Variants in PHGDH observed in about 807,000 individuals in gnomAD.
PHGDH encodes the protein D-3-phosphoglycerate dehydrogenase.
A neutral mutation model predicts 52.6 loss-of-function variants in PHGDH; 50 were observed. The observed-to-expected ratio is 0.95, with a 90% confidence interval of 0.76 to 1.20. PHGDH has a LOEUF of 1.20. Among genes scored for constraint, PHGDH ranks in the 50% most tolerant of loss-of-function variants. The pLI is 0.00. For missense variants in PHGDH, 630 were observed against 684.6 expected (o/e 0.92, Z 0.89); for synonymous variants, 271 against 280.5 (o/e 0.97, Z 0.34).
intron 1 of PHGDH, among the ~76,000 whole-genome samples, chr1:119,718,168 G>A (rs1392432434): frequency 2.0e-5 from 3 of 152,212 alleles, no homozygotes; most frequent in Admixed American, 1.3e-4. Context: ...GAAGCCACAG[G>A]ATTTCTGGCA....
At chr1:119,729,426 G>C (rs1651590203) in intron 5 of PHGDH, 1 of 152,224 alleles carries the variant, frequency 6.6e-6, no homozygotes, top group African/African-American at 2.4e-5. Context: ...GTAACTGGGA[G>C]ACAGGCTCCA....
chr1:119,712,471 G>T, intron 1 of PHGDH: 3 of 383,322 alleles, frequency 7.8e-6, no homozygotes, highest in South Asian at 6.7e-5. Context: ...AGCGCGGGAT[G>T]CCAGCGCGGC....
intron 1 of PHGDH, among the ~76,000 whole-genome samples, chr1:119,718,270 C>T (rs138359813): frequency 6.4e-4 from 97 of 152,350 alleles, no homozygotes; most frequent in Non-Finnish European, 1.2e-3. Flanking sequence ...CTGCCATATC[C>T]TAGCTATGTG....
chr1:119,733,822 C>G (rs1651810566), intron 5 of PHGDH, among the ~76,000 whole-genome samples: 1 of 152,152 alleles, frequency 6.6e-6, no homozygotes, highest in South Asian at 2.1e-4. Flanking sequence ...TGGGCTCACT[C>G]TTTACATTCT....
chr1:119,743,783 G>A, intron 11 of PHGDH, 103 bp from the exon 12 acceptor site: 2 of 889,432 alleles, frequency 2.2e-6, no homozygotes, highest in Non-Finnish European at 3.8e-6. Flanking sequence ...TCCGCTCATT[G>A]CACCTTTGAT....
chr1:119,737,324 G>C (rs77600587), intron 8 of PHGDH, 58 bp downstream of exon 8: 145 of 1,419,902 alleles, frequency 1.0e-4, no homozygotes, highest in Non-Finnish European at 1.3e-4. Context: ...AGGAAGGAAG[G>C]CATCTTGTAG....
intron 8 of PHGDH, chr1:119,739,701 A>G (rs1344964863): frequency 1.3e-5 from 2 of 152,356 alleles, no homozygotes; most frequent in Non-Finnish European, 2.9e-5. Flanking sequence ...GAACCAGAGC[A>G]TTTTGAACCA....
chr1:119,734,602 A>T, intron 5 of PHGDH, 32 bp from the exon 6 acceptor site: 1 of 1,607,470 alleles, frequency 6.2e-7, no homozygotes, highest in Non-Finnish European at 8.5e-7. Flanking sequence ...ATTAAGAATG[A>T]CACTTCCTCC....
intron 8 of PHGDH, among the ~76,000 whole-genome samples, chr1:119,737,801 C>G (rs1652012484): frequency 1.3e-5 from 2 of 152,282 alleles, no homozygotes; most frequent in South Asian, 4.1e-4. Context: ...TCCATCAAGC[C>G]CTTCCTGGCA....
chr1:119,721,322 GTAA>G lies in PHGDH; in HGVS notation c.290+2_290+4del. On this transcript the variant is annotated splice_donor_variant and splice_donor_region_variant and intron_variant, in intron 2 of 11. Coordinates refer to ENST00000641023, the MANE Select transcript of PHGDH (RefSeq NM_006623.4). LOFTEE classifies it high-confidence loss of function. ...CAAGGAAGGGCATCTTGGTTATGAA[GTAA>G]GTCATGGAGGCTGCGGGCGGTTTGG... 6.2e-7 allele frequency: 1 copy of G among 1,613,756 alleles called. No homozygotes were observed. The highest frequency in any genetic ancestry group is 8.5e-7 in the Non-Finnish European group (1 of 1,179,858).
chr1:119,740,502 C>G lies in PHGDH; in HGVS notation c.1062C>G (p.Ile354Met). Reference sequence around the variant, plus strand: ...GGGCTGGGTCCCCCAAAGGGACCATCCAGGTGATAACACAGGGTGAGCTGG... The same window carrying G: ...GGGCTGGGTCCCCCAAAGGGACCATGCAGGTGATAACACAGGGTGAGCTGG... ...RAWAGSPKGT[I>M]QVITQGTSLK... is the part of the protein sequence containing the mutation. The change falls in exon 9 of 12, where the codon ATC (isoleucine) becomes ATG (methionine). Residue 354 changes from isoleucine (I) to methionine (M), a missense_variant. Transcript: ENST00000641023. 1 of 1,582,764 alleles carries G rather than the reference C, an allele frequency of 6.3e-7. No homozygotes were observed. Among genetic ancestry groups the G allele is most frequent in the South Asian group, 1.2e-5 (1 of 86,828 alleles).
chr1:119,741,276 C>G (rs1652195827), intron 9 of PHGDH, among the ~76,000 whole-genome samples: 1 of 152,192 alleles, frequency 6.6e-6, no homozygotes, highest in Non-Finnish European at 1.5e-5. Flanking sequence ...TAGGCATTGA[C>G]AATACCAGGG....
chr1:119,734,555 A>C, intron 5 of PHGDH, 79 bp from the exon 6 acceptor site: 1 of 1,427,736 alleles, frequency 7.0e-7, no homozygotes, highest in Non-Finnish European at 9.9e-7. Flanking sequence ...AAATGCTCAA[A>C]AAATGTTTGC....
chr1:119,733,390 G>T (rs1299812787), intron 5 of PHGDH, among the ~76,000 whole-genome samples: 3 of 150,212 alleles, frequency 2.0e-5, no homozygotes, highest in Admixed American at 1.3e-4. Flanking sequence ...ACCCAGGCTG[G>T]AGTGCAGTGG....
chr1:119,739,262 C>T (rs1652080672), intron 8 of PHGDH, among the ~76,000 whole-genome samples: 2 of 152,274 alleles, frequency 1.3e-5, no homozygotes, highest in Middle Eastern at 3.4e-3. Context: ...AGAGATGTGC[C>T]GAGGTGCCTG....
At chr1:119,742,389 G>T in intron 10 of PHGDH, 1 of 375,960 alleles carries the variant, frequency 2.7e-6, no homozygotes, top group Non-Finnish European at 5.0e-6. Context: ...GGAGCTGGCA[G>T]AAGGGATAGG....
chr1:119,720,211 C>A (rs1651087176), intron 1 of PHGDH: 2 of 152,190 alleles, frequency 1.3e-5, no homozygotes, highest in African/African-American at 4.8e-5. Flanking sequence ...TCTTGGGGAT[C>A]TGACTTAGCT....
rs1652337689 is a variant in PHGDH at position 119,744,098 on chromosome 1, G to C, written c.*58G>C. ...TTTTCTGAAGAAACCCACCCACTGTGATCAATAGGGAGAGAAAATCCACAT... is the reference window on the plus strand; with the variant it reads ...TTTTCTGAAGAAACCCACCCACTGTCATCAATAGGGAGAGAAAATCCACAT... On this transcript the variant is annotated 3_prime_UTR_variant, in exon 12 of 12. Transcript: ENST00000641023. 9 of 1,495,056 alleles carry C rather than the reference G, an allele frequency of 6.0e-6. No individual in the cohort carries two copies. The highest frequency in any genetic ancestry group is 8.4e-6 in the Non-Finnish European group (9 of 1,071,862). The allele number at this position is 1,495,056 out of a possible 1,614,324, so 92.6% of individuals were successfully genotyped here. A position where few individuals can be genotyped will look rare whatever the true frequency, so the allele number is the denominator to read the frequency against.
chr1:119,718,837 T>C (rs1651034485), intron 1 of PHGDH, among the ~76,000 whole-genome samples: 1 of 151,972 alleles, frequency 6.6e-6, no homozygotes, highest in African/African-American at 2.4e-5. Context: ...GCATAGAAAA[T>C]ATAACTAAGG....
Sources: gnomAD v4.1 joint callset for allele counts (sites outside exome capture counted in the v4.1 genomes callset) on GRCh38, gnomAD v4.1.1 for gene constraint, MANE v1.5 for transcripts, NCBI Gene and HGNC (gene_info 2026-07-23, HGNC 2026-07-21) for gene names.